FIP1L1: variants seen among roughly 807,000 people sequenced by gnomAD.
The protein encoded by FIP1L1 is pre-mRNA 3'-end-processing factor FIP1.
In FIP1L1, 21 loss-of-function variants were observed where a neutral mutation model predicts 84.6. The ratio of observed to expected loss-of-function variants is 0.25; its 90% CI spans 0.18 to 0.36. The LOEUF is 0.36. Among genes scored for constraint, FIP1L1 ranks in the 10% least tolerant of loss-of-function variants. The probability of loss-of-function intolerance (pLI) is 1.00; values close to 1 mark genes in which losing one functional copy is unlikely to be tolerated. For missense variants in FIP1L1, 526 were observed against 751.1 expected, an observed-to-expected ratio of 0.70 and a Z score of 3.50; for synonymous variants, 263 against 242.3, an observed-to-expected ratio of 1.09 and a Z score of -0.80.
At chr4:53,378,285 T>G (rs567816056) in intron 1 of FIP1L1, 30 of 208,936 alleles carry the variant, frequency 1.4e-4, no homozygotes, top group African/African-American at 6.9e-4. Context: ...TTGGTGTCTG[T>G]TTTTGCCCTG....
intron 10 of FIP1L1, among the ~76,000 whole-genome samples, chr4:53,407,042 C>T (rs996992342): frequency 1.3e-5 from 2 of 152,010 alleles, no homozygotes; most frequent in African/African-American, 4.8e-5. Flanking sequence ...TATTTCTTGC[C>T]TTCTGCTAGT....
chr4:53,382,269 T>G lies in FIP1L1; in HGVS notation c.171-9T>G, dbSNP rs1368184962. On this transcript the variant is annotated splice_polypyrimidine_tract_variant and intron_variant, in intron 3 of 17. Transcript: ENST00000337488. Reference sequence around the variant, plus strand: ...GCCTGACATGTATACTTACTTTTGTTGTTTGTAGTGCTAATCCTCCATCTG... The same window carrying G: ...GCCTGACATGTATACTTACTTTTGTGGTTTGTAGTGCTAATCCTCCATCTG... 1.2e-6 allele frequency: 2 copies of G among 1,608,552 alleles called. No homozygotes were observed. Among genetic ancestry groups the G allele is most frequent in the Admixed American group, 1.7e-5 (1 of 60,010 alleles).
intron 13 of FIP1L1, among the ~76,000 whole-genome samples, chr4:53,441,602 A>G (rs1771965259): frequency 6.6e-6 from 1 of 152,122 alleles, no homozygotes; most frequent in Non-Finnish European, 1.5e-5. Flanking sequence ...ACAGTGAAGA[A>G]CATGGTAAAC....
At chr4:53,393,764 GCCCCCCCC>G (rs35029503) in intron 9 of FIP1L1, among the ~76,000 whole-genome samples, 2 of 87,990 alleles carry the variant, frequency 2.3e-5, no homozygotes, top group African/African-American at 4.0e-5. Flanking sequence ...TTTCCCCCCG[GCCCCCCCC>G]CCCCCCCCCG....
intron 9 of FIP1L1, among the ~76,000 whole-genome samples, chr4:53,398,967 A>G (rs986358662): frequency 1.3e-5 from 2 of 152,200 alleles, no homozygotes; most frequent in African/African-American, 4.8e-5. Context: ...CCTGGGCAAC[A>G]TGGTGAAATC....
intron 10 of FIP1L1, among the ~76,000 whole-genome samples, chr4:53,403,691 A>G (rs1751478154): frequency 6.6e-6 from 1 of 152,270 alleles, no homozygotes; most frequent in Admixed American, 6.5e-5. Flanking sequence ...TTGTTGTCCA[A>G]TTCATTCAAC....
Position 53,417,283 on chromosome 4 carries a change from C to T in FIP1L1, c.923+2561C>T, listed in dbSNP as rs536397730. ...CCTTCACTTTAACTTTGTAATTAGT[C>T]TCAAGAATATATGTGGAAGGAAATT... On this transcript the variant is annotated intron_variant, in intron 11 of 17. Coordinates refer to ENST00000337488, the MANE Select transcript of FIP1L1 (RefSeq NM_030917.4). Among the ~76,000 whole-genome samples, 286 of 152,080 alleles carry T rather than the reference C, an allele frequency of 1.9e-3. 2 individuals carry two copies. Among genetic ancestry groups the T allele is most frequent in the Non-Finnish European group, 3.4e-3 (234 of 67,998 alleles).
chr4:53,391,015 A>G lies in FIP1L1; in HGVS notation c.512A>G (p.Asp171Gly). Residue 171 changes from aspartate (D) to glycine (G), a missense_variant, in exon 8 of 18, where the codon GAT becomes GGT. By Grantham distance (94) the Asp-to-Gly change is moderately conservative. Coordinates refer to ENST00000337488, the MANE Select transcript of FIP1L1 (RefSeq NM_030917.4). The stretch of plus-strand genomic sequence containing the variant: ...AGTTGTGTTTTATCTTTAGGTGCTG[A>G]TCTTTCTGATTATTTTAATTATGGG... ...EDKPWRKPGA[D>G]LSDYFNYGFN... 6.3e-7 allele frequency: 1 copy of G among 1,598,148 alleles called. No individual in the cohort carries two copies. The highest frequency in any genetic ancestry group is 1.1e-5 in the South Asian group (1 of 87,664).
At chr4:53,430,341 CTTTTT>C (rs376793476) in intron 13 of FIP1L1, among the ~76,000 whole-genome samples, 1 of 75,804 alleles carries the variant, frequency 1.3e-5, no homozygotes, top group Non-Finnish European at 2.3e-5. Context: ...GATAAAATTA[CTTTTT>C]TTTTTTTTTT....
chr4:53,440,432 C>T, intron 13 of FIP1L1: 2 of 549,654 alleles, frequency 3.6e-6, no homozygotes, highest in South Asian at 2.3e-5. Context: ...TGTTAGTCCT[C>T]TACGAGAAAA....
intron 13 of FIP1L1, among the ~76,000 whole-genome samples, chr4:53,434,755 G>A (rs1418363985): frequency 6.6e-5 from 10 of 152,052 alleles, no homozygotes; most frequent in Admixed American, 5.2e-4. Context: ...GGCGTGAGCC[G>A]CTGCGCCTGG....
At chr4:53,408,843 T>C (rs60989146) in intron 10 of FIP1L1, among the ~76,000 whole-genome samples, 2,159 of 152,260 alleles carry the variant, frequency 0.014, 50 homozygotes, top group African/African-American at 0.049. Context: ...TTTTCAGCTC[T>C]GTCAGCTCCT....
rs192353150 is a variant in FIP1L1 at position 53,433,576 on chromosome 4, T to C, written c.1174+5393T>C. Among the ~76,000 whole-genome samples the C allele has an allele frequency of 6.7e-4, 102 of 152,266 alleles. 1 individual carries two copies. Among genetic ancestry groups the C allele is most frequent in the Non-Finnish European group, 1.2e-3 (81 of 68,026 alleles). On this transcript the variant is annotated intron_variant, in intron 13 of 17. Coordinates refer to ENST00000337488, the MANE Select transcript of FIP1L1 (RefSeq NM_030917.4). Reference sequence around the variant, plus strand: ...AGAAGGTAAATTCAGTTAAACTCATTTGTTTTTGTATGAACTCTTATCAGC... The same window carrying C: ...AGAAGGTAAATTCAGTTAAACTCATCTGTTTTTGTATGAACTCTTATCAGC...
intron 9 of FIP1L1, among the ~76,000 whole-genome samples, chr4:53,396,143 T>C (rs1454634077): frequency 2.0e-5 from 3 of 152,284 alleles, no homozygotes; most frequent in Admixed American, 6.5e-5. Flanking sequence ...GGTCTCTAAC[T>C]TCTGACCTCA....
chr4:53,399,613 G>A (rs1049588373), intron 9 of FIP1L1, 117 bp from the exon 10 acceptor site: 3 of 662,644 alleles, frequency 4.5e-6, no homozygotes, highest in Non-Finnish European at 7.7e-6. Context: ...TTCAGCAAAG[G>A]AACATTCTTA....
chr4:53,433,146 A>G (rs1309736055), intron 13 of FIP1L1, among the ~76,000 whole-genome samples: 2 of 152,212 alleles, frequency 1.3e-5, no homozygotes, highest in African/African-American at 4.8e-5. Context: ...GTAAAATACA[A>G]TCTATTTGTC....
chr4:53,428,560 T>C (rs954893514), intron 13 of FIP1L1, among the ~76,000 whole-genome samples: 6 of 151,938 alleles, frequency 3.9e-5, no homozygotes, highest in African/African-American at 1.4e-4. Flanking sequence ...CAAAAAATTA[T>C]ATCTTGCGAA....
chr4:53,384,023 A>C, intron 5 of FIP1L1, 147 bp downstream of exon 5: 1 of 718,812 alleles, frequency 1.4e-6, no homozygotes, highest in Non-Finnish European at 2.2e-6. Context: ...CATCATGAAT[A>C]TACTTCTTTG....
intron 10 of FIP1L1, 45 bp downstream of exon 10, chr4:53,399,884 CT>C: frequency 8.0e-7 from 1 of 1,247,054 alleles, no homozygotes; most frequent in Non-Finnish European, 1.2e-6. Flanking sequence ...ACATTGGTAT[CT>C]TTACATTGTA....
Sources: gnomAD v4.1 joint callset for allele counts (sites outside exome capture counted in the v4.1 genomes callset) on GRCh38, gnomAD v4.1.1 for gene constraint, MANE v1.5 for transcripts, NCBI Gene and HGNC (gene_info 2026-07-23, HGNC 2026-07-21) for gene names.